Variants in MED13L observed in about 807,000 individuals in gnomAD.
MED13L encodes the protein mediator complex subunit 13L, also known as mediator of RNA polymerase II transcription subunit 13-like.
A neutral mutation model predicts 220.9 loss-of-function variants in MED13L; 7 were observed. That is an observed-to-expected ratio of 0.03 (90% CI 0.02 to 0.06). MED13L has a LOEUF of 0.06. MED13L is among the 10% of genes least tolerant of loss of function. MED13L has a pLI of 1.00. For synonymous variants in MED13L, 1,011 were observed against 1,015.2 expected (o/e 1.00, Z 0.08); for missense variants, 1,965 against 2,760.5 (o/e 0.71, Z 6.46).
At chr12:116,237,397 CTGTT>C (rs1213574224) in intron 2 of MED13L, 67 bp downstream of exon 2, 2 of 1,208,900 alleles carry the variant, frequency 1.7e-6, no homozygotes, top group African/African-American at 3.0e-5. Context: ...TCTTAATAAT[CTGTT>C]TGAAATTTAT....
rs767297698 is a variant in MED13L at position 116,008,704 on chromosome 12, C to T, written c.1709G>A (p.Ser570Asn). 9.3e-6 allele frequency: 15 copies of T among 1,614,036 alleles called. No homozygotes were observed. The highest frequency in any genetic ancestry group is 1.1e-5 in the South Asian group (1 of 91,076). ...CACAGGGACCGATGGTGGGTCCAAACTCTCTGTTTCCTGACCTCGTGGCTG... is the reference window on the plus strand; with the variant it reads ...CACAGGGACCGATGGTGGGTCCAAATTCTCTGTTTCCTGACCTCGTGGCTG... ...SPQPRGQETE[S>N]LDPPSVPVNP... is the part of the protein sequence containing the mutation. The change falls in exon 10 of 31, where the codon AGT becomes AAT. Residue 570 changes from serine (S) to asparagine (N), a missense_variant. Coordinates refer to ENST00000281928, the MANE Select transcript of MED13L (RefSeq NM_015335.5).
chr12:115,961,269 A>C lies in MED13L; in HGVS notation c.6630T>G (p.Leu2210=). Residue 2210 remains leucine, a synonymous_variant, in exon 31 of 31, where the codon CTT becomes CTG. Coordinates refer to ENST00000281928, the MANE Select transcript of MED13L (RefSeq NM_015335.5). ...TQLYNAIMNI[L] is the part of the protein sequence containing the mutation. Reference sequence around the variant, plus strand: ...GAGAGAACAAGTGCTTTTCCAATTAAAGTATATTCATGATGGCATTGTACA... The same window carrying C: ...GAGAGAACAAGTGCTTTTCCAATTACAGTATATTCATGATGGCATTGTACA... The C allele has an allele frequency of 6.2e-7, 1 of 1,614,170 alleles. No homozygotes were observed. The highest frequency in any genetic ancestry group is 8.5e-7 in the Non-Finnish European group (1 of 1,180,014).
intron 26 of MED13L, 131 bp downstream of exon 26, chr12:115,971,947 T>G: frequency 3.6e-6 from 4 of 1,111,344 alleles, no homozygotes; most frequent in Non-Finnish European, 5.2e-6. Flanking sequence ...TTTTCCATCT[T>G]TAAGCCCCAA....
rs1178153482 is a variant in MED13L at position 115,960,381 on chromosome 12, G to C, written c.*885C>G. Reference sequence around the variant, plus strand: ...TCTGAGTTGAGCTTGACTGCCTTCTGTATAAAAATGTTATCCTTCATGAAA... The same window carrying C: ...TCTGAGTTGAGCTTGACTGCCTTCTCTATAAAAATGTTATCCTTCATGAAA... On this transcript the variant is annotated 3_prime_UTR_variant, in exon 31 of 31. Coordinates refer to ENST00000281928, the MANE Select transcript of MED13L (RefSeq NM_015335.5). The C allele has an allele frequency of 6.6e-6, 1 of 152,598 alleles. No homozygotes were observed. The highest frequency in any genetic ancestry group is 1.5e-5 in the Non-Finnish European group (1 of 68,024). 9.5% of individuals were successfully genotyped at this position (152,598 alleles called of 1,614,324 possible).
chr12:116,189,930 T>G (rs1321854785), intron 2 of MED13L, among the ~76,000 whole-genome samples: 3 of 152,166 alleles, frequency 2.0e-5, no homozygotes, highest in African/African-American at 7.2e-5. Context: ...TCTAGATGTT[T>G]TTTTGGGGGG....
chr12:116,064,406 T>A (rs888103878), intron 4 of MED13L, among the ~76,000 whole-genome samples: 3 of 152,168 alleles, frequency 2.0e-5, no homozygotes, highest in African/African-American at 7.2e-5. Context: ...CAATCTGTGG[T>A]TGGTTGAATC....
chr12:115,987,082 G>C (rs1170946262), intron 18 of MED13L, 27 bp downstream of exon 18: 1 of 1,612,486 alleles, frequency 6.2e-7, no homozygotes, highest in African/African-American at 1.3e-5. Flanking sequence ...AAGTCAGAAG[G>C]AATTTTAAAC....
At chr12:116,005,333 A>C (rs1397858455) in intron 13 of MED13L, among the ~76,000 whole-genome samples, 1 of 152,194 alleles carries the variant, frequency 6.6e-6, no homozygotes, top group Non-Finnish European at 1.5e-5. Flanking sequence ...TATAATAATT[A>C]TTCTTCTCTG....
intron 4 of MED13L, among the ~76,000 whole-genome samples, chr12:116,081,500 T>G (rs888809253): frequency 3.9e-5 from 6 of 152,206 alleles, no homozygotes; most frequent in South Asian, 2.1e-4. Flanking sequence ...CACATACTCC[T>G]GTATTAAAAT....
Position 116,007,428 on chromosome 12 carries a change from A to C in MED13L, c.2221T>G (p.Ser741Ala). The C allele has an allele frequency of 6.2e-7, 1 of 1,613,098 alleles. No individual in the cohort carries two copies. The highest frequency in any genetic ancestry group is 8.5e-7 in the Non-Finnish European group (1 of 1,179,116). Residue 741 changes from serine to alanine, a missense_variant, in exon 11 of 31, where the codon TCC becomes GCC. Transcript: ENST00000281928. ...AATGGTACCTTATTCTTTTTCAGGG[A>C]ATCTTTCTCCGTCCCTTGTTTGCAT... ...KKCKQGTEKD[S>A]LKKNKSEDGF...
intron 28 of MED13L, among the ~76,000 whole-genome samples, chr12:115,967,937 A>G (rs1208317195): frequency 6.6e-6 from 1 of 152,024 alleles, no homozygotes; most frequent in Non-Finnish European, 1.5e-5. Flanking sequence ...AGGGGCAGGT[A>G]TAACATGGGA....
intron 2 of MED13L, among the ~76,000 whole-genome samples, chr12:116,158,045 A>C (rs1255961484): frequency 6.6e-6 from 1 of 152,180 alleles, no homozygotes; most frequent in African/African-American, 2.4e-5. Context: ...ATTAAATTGG[A>C]TACTGAAAGG....
At position 115,997,111 on chromosome 12, in the gene MED13L, T is replaced by C; in HGVS notation, c.2689A>G (p.Met897Val). Residue 897 changes from methionine (M) to valine (V), a missense_variant, in exon 15 of 31, where the codon ATG becomes GTG. Around this residue, in one of 10 missense-constraint regions of MED13L, gnomAD observed 233 missense variants for 306.2 expected, o/e 0.76. Coordinates refer to ENST00000281928, the MANE Select transcript of MED13L (RefSeq NM_015335.5). ...ISSETVTALG[M>V]MESPMVSMVS... Reference sequence around the variant, plus strand: ...ATACTGACCATAGGGCTCTCCATCATGCCTAATGCTGTCACTGTCTCTGAG... The same window carrying C: ...ATACTGACCATAGGGCTCTCCATCACGCCTAATGCTGTCACTGTCTCTGAG... 1 of 1,614,126 alleles carries C rather than the reference T, an allele frequency of 6.2e-7. No homozygotes were observed. Among genetic ancestry groups the C allele is most frequent in the Non-Finnish European group, 8.5e-7 (1 of 1,179,946 alleles).
At chr12:116,096,527 G>C (rs1269190049) in intron 4 of MED13L, 142 bp downstream of exon 4, 44 of 602,684 alleles carry the variant, frequency 7.3e-5, no homozygotes, top group Non-Finnish European at 2.7e-5. Context: ...TAATAATATA[G>C]TATTTAAGAA....
intron 2 of MED13L, among the ~76,000 whole-genome samples, chr12:116,185,658 CTTTT>C (rs1328113548): frequency 8.0e-3 from 10 of 1,256 alleles, no homozygotes; most frequent in African/African-American, 0.035. Flanking sequence ...ACATGCTTTT[CTTTT>C]CTTTTCTTTT....
chr12:116,009,907 A>G (rs897954605), intron 9 of MED13L, among the ~76,000 whole-genome samples: 2 of 152,206 alleles, frequency 1.3e-5, no homozygotes, highest in African/African-American at 4.8e-5. Flanking sequence ...TCTGTACAAC[A>G]AAGTTATACT....
Position 116,056,813 on chromosome 12 carries a change from T to C in MED13L, c.480-34212A>G, listed in dbSNP as rs963411331. On this transcript the variant is annotated intron_variant, in intron 4 of 30. Transcript: ENST00000281928. ...TTACTATCTTGTGCTCTAATTCAAA[T>C]TGCTCTTAATGATCCTAGAGAGAAA... Among the ~76,000 whole-genome samples the C allele has an allele frequency of 1.3e-4, 20 of 152,354 alleles. No homozygotes were observed. In the South Asian group the frequency reaches 1.4e-3, roughly 11 times the overall value.
chr12:116,218,862 C>T (rs961913624), intron 2 of MED13L, among the ~76,000 whole-genome samples: 6 of 152,006 alleles, frequency 3.9e-5, no homozygotes, highest in African/African-American at 1.5e-4. Context: ...GCCACCCCAG[C>T]AGCTGGAATT....
At chr12:116,185,238 T>C (rs954419097) in intron 2 of MED13L, among the ~76,000 whole-genome samples, 3 of 152,178 alleles carry the variant, frequency 2.0e-5, no homozygotes, top group Admixed American at 6.5e-5. Flanking sequence ...AGCAATATTA[T>C]TGGATAACCA....
Sources: gnomAD v4.1 joint callset for allele counts (sites outside exome capture counted in the v4.1 genomes callset) on GRCh38, gnomAD v4.1.1 for gene constraint, gnomAD v4.1.1 regional missense constraint, MANE v1.5 for transcripts, NCBI Gene and HGNC (gene_info 2026-07-23, HGNC 2026-07-21) for gene names.